The following PPP1R9A variants were observed in gnomAD, a reference collection of about 807,000 sequenced individuals.
The protein encoded by PPP1R9A is protein phosphatase 1 regulatory subunit 9A.
PPP1R9A carries 59 observed loss-of-function variants against 141.9 expected under a neutral mutation model. The ratio of observed to expected loss-of-function variants is 0.42; its 90% CI spans 0.34 to 0.52. The LOEUF is 0.52. PPP1R9A is among the 20% of genes least tolerant of loss of function. The probability of loss-of-function intolerance (pLI) is 0.10; values close to 1 mark genes in which losing one functional copy is unlikely to be tolerated. For synonymous variants in PPP1R9A, 500 were observed against 569.7 expected, an observed-to-expected ratio of 0.88 and a Z score of 1.74; for missense variants, 1,444 against 1,611.9, an observed-to-expected ratio of 0.90 and a Z score of 1.78.
At chr7:95,008,601 C>T (rs540538688) in intron 2 of PPP1R9A, among the ~76,000 whole-genome samples, 18 of 152,240 alleles carry the variant, frequency 1.2e-4, no homozygotes, top group African/African-American at 3.4e-4. Flanking sequence ...ATGGGATCAC[C>T]ATGTACGTTG....
At chr7:95,025,078 T>TC (rs1273220341) in intron 2 of PPP1R9A, among the ~76,000 whole-genome samples, 2 of 149,366 alleles carry the variant, frequency 1.3e-5, no homozygotes, top group East Asian at 3.9e-4. Context: ...TGAAAATCCT[T>TC]TTTTTTTTTG....
At chr7:94,918,839 G>T (rs570626800) in intron 2 of PPP1R9A, among the ~76,000 whole-genome samples, 8 of 152,182 alleles carry the variant, frequency 5.3e-5, no homozygotes, top group Non-Finnish European at 1.2e-4. Context: ...AGTCTAGAGA[G>T]CAATGGCATA....
At chr7:95,049,223 A>G (rs1810451757) in intron 2 of PPP1R9A, among the ~76,000 whole-genome samples, 1 of 152,196 alleles carries the variant, frequency 6.6e-6, no homozygotes, top group African/African-American at 2.4e-5. Context: ...TCCAGGCTCC[A>G]TATATTAAAA....
chr7:95,169,920 A>G (rs1446859207), intron 5 of PPP1R9A, among the ~76,000 whole-genome samples: 1 of 151,942 alleles, frequency 6.6e-6, no homozygotes, highest in Non-Finnish European at 1.5e-5. Flanking sequence ...TAATTGAAAC[A>G]GATCCAGCAA....
At chr7:95,250,407 T>G in intron 10 of PPP1R9A, 152 bp downstream of exon 10, 1 of 689,786 alleles carries the variant, frequency 1.4e-6, no homozygotes. Flanking sequence ...ACACATTAAG[T>G]TTTGGAAGTC....
intron 2 of PPP1R9A, among the ~76,000 whole-genome samples, chr7:95,046,538 T>C (rs1810038773): frequency 6.6e-6 from 1 of 152,240 alleles, no homozygotes; most frequent in South Asian, 2.1e-4. Flanking sequence ...GAAACTCTTA[T>C]TTTTCTCTTC....
chr7:95,281,827 A>G (rs951964109), intron 16 of PPP1R9A, among the ~76,000 whole-genome samples: 4 of 152,230 alleles, frequency 2.6e-5, no homozygotes, highest in African/African-American at 4.8e-5. Context: ...AACAATATCC[A>G]TATATTTAAG....
At chr7:94,974,130 G>C (rs17519444) in intron 2 of PPP1R9A, among the ~76,000 whole-genome samples, 12,055 of 152,204 alleles carry the variant, frequency 0.079, 679 homozygotes, top group Non-Finnish European at 0.12. Context: ...ATGTGATATT[G>C]GATGAACTGC....
chr7:95,143,852 TG>T (rs999768882), intron 4 of PPP1R9A, among the ~76,000 whole-genome samples: 12 of 151,832 alleles, frequency 7.9e-5, no homozygotes, highest in African/African-American at 2.2e-4. Context: ...ATTTTTAATT[TG>T]TTTTTTTTTC....
chr7:95,121,667 C>G (rs73429084), intron 4 of PPP1R9A, among the ~76,000 whole-genome samples: 10,643 of 152,026 alleles, frequency 0.07, 988 homozygotes, highest in African/African-American at 0.21. Context: ...GCTCATGGTT[C>G]TGGAGGCTGG....
chr7:95,016,560 A>G (rs1225027020), intron 2 of PPP1R9A, among the ~76,000 whole-genome samples: 1 of 152,182 alleles, frequency 6.6e-6, no homozygotes, highest in Non-Finnish European at 1.5e-5. Context: ...TTAACATCCT[A>G]AAGTCAATCA....
chr7:95,246,381 C>T (rs1798120231), intron 8 of PPP1R9A, among the ~76,000 whole-genome samples: 1 of 152,150 alleles, frequency 6.6e-6, no homozygotes, highest in Non-Finnish European at 1.5e-5. Context: ...TTTATGGTCC[C>T]TCATGTACAG....
chr7:95,052,560 T>C (rs1810969049), intron 2 of PPP1R9A, among the ~76,000 whole-genome samples: 1 of 152,150 alleles, frequency 6.6e-6, no homozygotes. Context: ...TCATGACAGA[T>C]GTGTTGAATT....
chr7:95,021,469 T>A (rs1805954512), intron 2 of PPP1R9A, among the ~76,000 whole-genome samples: 1 of 152,030 alleles, frequency 6.6e-6, no homozygotes, highest in African/African-American at 2.4e-5. Flanking sequence ...GAAGCTCTAG[T>A]TTAATTAGAT....
intron 5 of PPP1R9A, among the ~76,000 whole-genome samples, chr7:95,177,171 C>G (rs1833024752): frequency 6.6e-6 from 1 of 152,152 alleles, no homozygotes; most frequent in Non-Finnish European, 1.5e-5. Flanking sequence ...GCAGACTTCT[C>G]AGCAGAAACC....
intron 3 of PPP1R9A, among the ~76,000 whole-genome samples, chr7:95,114,650 A>G (rs576182733): frequency 6.6e-6 from 1 of 152,284 alleles, no homozygotes; most frequent in South Asian, 2.1e-4. Flanking sequence ...TATTTCTTTC[A>G]GAACTGGACA....
intron 2 of PPP1R9A, among the ~76,000 whole-genome samples, chr7:95,023,735 TTA>T (rs1423713726): frequency 6.6e-6 from 1 of 152,038 alleles, no homozygotes; most frequent in Non-Finnish European, 1.5e-5. Flanking sequence ...TGTATTTTTA[TTA>T]GAGTTGGAGT....
Position 95,293,857 on chromosome 7 carries a change from T to C in PPP1R9A, c.*3554T>C, listed in dbSNP as rs1009468499. The C allele has an allele frequency of 6.6e-6, 1 of 152,216 alleles. No homozygotes were observed. Among genetic ancestry groups the C allele is most frequent in the Admixed American group, 6.5e-5 (1 of 15,286 alleles). 9.4% of individuals were successfully genotyped at this position (152,216 alleles called of 1,614,324 possible). A position where few individuals can be genotyped will look rare whatever the true frequency, so the allele number is the denominator to read the frequency against. ...ATTTATATAGATACTCTGATTCATG[T>C]TTAAGTGTTAAAGGTTATGCAGACT... is the stretch of plus-strand genomic sequence containing the variant. On this transcript the variant is annotated 3_prime_UTR_variant, in exon 20 of 20. Coordinates refer to ENST00000433360, the MANE Select transcript of PPP1R9A (RefSeq NM_001166160.2).
intron 2 of PPP1R9A, among the ~76,000 whole-genome samples, chr7:94,933,988 A>T (rs2150867163): frequency 6.6e-6 from 1 of 152,324 alleles, no homozygotes; most frequent in South Asian, 2.1e-4. Flanking sequence ...GTATGTTCTC[A>T]ATTTGGGACA....
Sources: allele counts gnomAD v4.1 joint callset (sites outside exome capture counted in the v4.1 genomes callset), GRCh38; gene constraint gnomAD v4.1.1; transcripts MANE v1.5; gene names NCBI Gene and HGNC (gene_info 2026-07-23, HGNC 2026-07-21).